Variants in CCDC149 observed in about 807,000 individuals in gnomAD.
CCDC149 encodes the protein coiled-coil domain-containing protein 149.
Under a neutral mutation model 59.9 loss-of-function variants are expected in CCDC149, and 45 were observed. The ratio of observed to expected loss-of-function variants is 0.75; its 90% CI spans 0.59 to 0.96. The LOEUF (loss-of-function observed/expected upper bound fraction) is 0.96. Ranked by LOEUF, CCDC149 falls within the 40% of genes least tolerant of loss-of-function variation. The probability of loss-of-function intolerance (pLI) is 0.00; values close to 1 mark genes in which losing one functional copy is unlikely to be tolerated. For synonymous variants in CCDC149, 245 were observed against 260.6 expected, an observed-to-expected ratio of 0.94 and a Z score of 0.58; for missense variants, 584 against 664.7, an observed-to-expected ratio of 0.88 and a Z score of 1.33.
At chr4:24,853,603 A>AG (rs1383795410) in intron 3 of CCDC149, among the ~76,000 whole-genome samples, 5 of 151,866 alleles carry the variant, frequency 3.3e-5, no homozygotes, top group Admixed American at 1.3e-4. Flanking sequence ...AAAAAAAAAA[A>AG]AAAGAGAGAG....
intron 1 of CCDC149, among the ~76,000 whole-genome samples, chr4:24,891,782 T>C (rs1243724881): frequency 6.6e-6 from 1 of 152,192 alleles, no homozygotes; most frequent in African/African-American, 2.4e-5. Flanking sequence ...GAGGATTGCT[T>C]GAGCCCAGGA....
intron 10 of CCDC149, among the ~76,000 whole-genome samples, chr4:24,822,030 A>C (rs1270618511): frequency 1.3e-5 from 2 of 152,288 alleles, no homozygotes; most frequent in Admixed American, 1.3e-4. Context: ...AATTGGACAA[A>C]TCTTTGTATG....
chr4:24,970,038 C>T (rs187559166), intron 1 of CCDC149, among the ~76,000 whole-genome samples: 89 of 152,288 alleles, frequency 5.8e-4, no homozygotes, highest in African/African-American at 1.6e-3. Flanking sequence ...TCAAAGGAAC[C>T]GTGGGGAGCT....
intron 1 of CCDC149, among the ~76,000 whole-genome samples, chr4:24,907,832 A>C (rs1721622704): frequency 6.6e-6 from 1 of 152,136 alleles, no homozygotes; most frequent in African/African-American, 2.4e-5. Flanking sequence ...TGTGTTCCCC[A>C]GTGAGGCTCT....
intron 1 of CCDC149, among the ~76,000 whole-genome samples, chr4:24,976,828 C>T (rs1724220958): frequency 6.6e-6 from 1 of 152,188 alleles, no homozygotes; most frequent in Non-Finnish European, 1.5e-5. Context: ...TGGACTCCAG[C>T]TCTGGAGCCA....
At chr4:24,916,789 T>TGTGTGG (rs1722133929), upstream of CCDC149, among the ~76,000 whole-genome samples, 4 of 109,198 alleles carry the variant, frequency 3.7e-5, no homozygotes. Flanking sequence ...TTTATAATGG[T>TGTGTGG]GTGTGTGTGT....
intron 1 of CCDC149, among the ~76,000 whole-genome samples, chr4:24,945,011 A>C (rs1212707991): frequency 6.6e-6 from 1 of 152,148 alleles, no homozygotes; most frequent in Admixed American, 6.5e-5. Context: ...CTGAATACTG[A>C]AGTTGGAAGA....
chr4:24,974,005 T>C (rs1724066609), intron 1 of CCDC149, among the ~76,000 whole-genome samples: 1 of 152,230 alleles, frequency 6.6e-6, no homozygotes, highest in Non-Finnish European at 1.5e-5. Flanking sequence ...TCACGGTCAG[T>C]TGCGCCTCTG....
downstream of CCDC149, chr4:24,805,999 T>G (rs1714138192): frequency 6.6e-6 from 1 of 152,224 alleles, no homozygotes; most frequent in South Asian, 2.1e-4. Context: ...TAAGTTTCTG[T>G]TAAGTGTGGC....
chr4:24,913,247 G>A (rs1438085800), upstream of CCDC149, among the ~76,000 whole-genome samples: 2 of 152,110 alleles, frequency 1.3e-5, no homozygotes, highest in Non-Finnish European at 2.9e-5. Flanking sequence ...GCGGGAGGCG[G>A]GCCCCACGGG....
At chr4:24,824,028 C>T (rs1241807192) in intron 9 of CCDC149, among the ~76,000 whole-genome samples, 2 of 152,178 alleles carry the variant, frequency 1.3e-5, no homozygotes, top group African/African-American at 4.8e-5. Context: ...CACAACTGTT[C>T]AAGTTGATGC....
chr4:24,863,536 G>C (rs1427442046), intron 3 of CCDC149, among the ~76,000 whole-genome samples: 5 of 152,182 alleles, frequency 3.3e-5, no homozygotes, highest in African/African-American at 1.2e-4. Flanking sequence ...AACCTCACAG[G>C]CTGGCTGTCT....
intron 9 of CCDC149, among the ~76,000 whole-genome samples, chr4:24,826,607 AGAG>A (rs1289428810): frequency 3.3e-5 from 5 of 152,216 alleles, no homozygotes; most frequent in Non-Finnish European, 5.9e-5. Flanking sequence ...TGGAAGAGGC[AGAG>A]GAGAGCCAGG....
At chr4:24,816,445 C>CA (rs1247310742) in intron 12 of CCDC149, among the ~76,000 whole-genome samples, 5 of 151,702 alleles carry the variant, frequency 3.3e-5, no homozygotes, top group East Asian at 3.9e-4. Context: ...TATCAGGAGA[C>CA]AAAAAAAGGT....
chr4:24,885,484 G>A (rs1319256346), intron 1 of CCDC149, among the ~76,000 whole-genome samples: 1 of 152,176 alleles, frequency 6.6e-6, no homozygotes, highest in African/African-American at 2.4e-5. Flanking sequence ...GGTGTCTAAT[G>A]CAGTATTGTT....
At chr4:24,853,026 G>T in intron 4 of CCDC149, 46 bp downstream of exon 4, 1 of 1,207,392 alleles carries the variant, frequency 8.3e-7, no homozygotes, top group Non-Finnish European at 1.2e-6. Context: ...AACCTCGAAC[G>T]CACAATGTTG....
intron 1 of CCDC149, among the ~76,000 whole-genome samples, chr4:24,951,062 G>C (rs1469595367): frequency 2.0e-5 from 3 of 152,184 alleles, no homozygotes; most frequent in African/African-American, 7.2e-5. Context: ...GGGGAAGGGG[G>C]CCTCAGGCAG....
chr4:24,839,026 T>TCA (rs1160289624), intron 4 of CCDC149, among the ~76,000 whole-genome samples: 101 of 131,704 alleles, frequency 7.7e-4, no homozygotes, highest in African/African-American at 2.6e-3. Flanking sequence ...TCTCTCTCTC[T>TCA]CTCACACACA....
intron 9 of CCDC149, among the ~76,000 whole-genome samples, chr4:24,826,161 A>G (rs1715727398): frequency 6.6e-6 from 1 of 151,614 alleles, no homozygotes; most frequent in Admixed American, 6.6e-5. Flanking sequence ...GGGTTTCACC[A>G]TGTTGCCCAG....
Sources: allele counts gnomAD v4.1 joint callset (sites outside exome capture counted in the v4.1 genomes callset), GRCh38; gene constraint gnomAD v4.1.1; transcripts MANE v1.5; gene names NCBI Gene and HGNC (gene_info 2026-07-23, HGNC 2026-07-21).